ASIC2: variants seen among roughly 807,000 people sequenced by gnomAD.
The protein encoded by ASIC2 is acid sensing ion channel subunit 2, also known as acid-sensing ion channel 2.
In ASIC2, 25 loss-of-function variants were observed where a neutral mutation model predicts 57.3. That is an observed-to-expected ratio of 0.44 (90% CI 0.32 to 0.61). The LOEUF is 0.61. Ranked by LOEUF, ASIC2 falls within the 20% of genes least tolerant of loss-of-function variation. The probability of loss-of-function intolerance (pLI) is 0.06; values close to 1 mark genes in which losing one functional copy is unlikely to be tolerated. For missense variants in ASIC2, 641 were observed against 738.1 expected (o/e 0.87, Z 1.52); for synonymous variants, 319 against 307.5 (o/e 1.04, Z -0.39).
chr17:33,879,958 A>G (rs1215060589), intron 1 of ASIC2, among the ~76,000 whole-genome samples: 1 of 152,206 alleles, frequency 6.6e-6, no homozygotes, highest in Non-Finnish European at 1.5e-5. Context: ...AACTCACTCA[A>G]AACTGCTCAA....
At chr17:33,918,137 C>G (rs114714407) in intron 1 of ASIC2, among the ~76,000 whole-genome samples, 283 of 152,278 alleles carry the variant, frequency 1.9e-3, no homozygotes, top group African/African-American at 6.7e-3. Context: ...GTTTCCTTTT[C>G]CAGGAAAATC....
At chr17:33,459,157 A>G (rs1912551046) in intron 1 of ASIC2, among the ~76,000 whole-genome samples, 1 of 151,664 alleles carries the variant, frequency 6.6e-6, no homozygotes, top group African/African-American at 2.4e-5. Context: ...TCATCGTCAC[A>G]TGGTTTCGTC....
At chr17:33,189,828 A>G (rs1337963503) in intron 1 of ASIC2, among the ~76,000 whole-genome samples, 2 of 152,202 alleles carry the variant, frequency 1.3e-5, no homozygotes, top group Non-Finnish European at 2.9e-5. Context: ...ACAAGGAAAA[A>G]TAGACAAATC....
At chr17:33,920,359 T>C (rs1915682643) in intron 1 of ASIC2, among the ~76,000 whole-genome samples, 1 of 152,188 alleles carries the variant, frequency 6.6e-6, no homozygotes, top group Non-Finnish European at 1.5e-5. Flanking sequence ...ATATACACCA[T>C]GGAATACTAC....
chr17:34,132,951 C>T (rs1346567899), intron 1 of ASIC2, among the ~76,000 whole-genome samples: 4 of 152,174 alleles, frequency 2.6e-5, no homozygotes, highest in African/African-American at 2.4e-5. Flanking sequence ...ACCTAGGCCC[C>T]AATCTAACCC....
rs945512015 is a variant in ASIC2, at chr17:33,801,209, A to G, written c.555+354769T>C. 8.5e-5 allele frequency among the ~76,000 whole-genome samples: 13 copies of G among 152,318 alleles called. No homozygotes were observed. The South Asian group carries it at 1.7e-3, about 19-fold the overall frequency. On this transcript the variant is annotated intron_variant, in intron 1 of 9. Transcript: ENST00000359872. ...TTAGTGATAGATTTTCTTGGGAGAA[A>G]GGAGAGGAAGGAAAATGAGGGTTCA... is the stretch of plus-strand genomic sequence containing the variant.
rs145317173 is a variant in ASIC2, at chr17:33,781,975, C to A, written c.555+374003G>T. 8.3e-3 allele frequency among the ~76,000 whole-genome samples: 1,267 copies of A among 152,216 alleles called. 22 individuals are homozygous for A. Among genetic ancestry groups the A allele is most frequent in the African/African-American group, 0.029 (1,190 of 41,534 alleles). ...TCTTATAGATTTCTGTAGGAACCTCCCCTGCATGGTCTCCCTGCCTCCAAT... is the reference window on the plus strand; with the variant it reads ...TCTTATAGATTTCTGTAGGAACCTCACCTGCATGGTCTCCCTGCCTCCAAT... On this transcript the variant is annotated intron_variant, in intron 1 of 9. Transcript: ENST00000359872.
At chr17:33,038,320 C>A (rs1280301342) in intron 3 of ASIC2, among the ~76,000 whole-genome samples, 2 of 152,240 alleles carry the variant, frequency 1.3e-5, no homozygotes, top group African/African-American at 4.8e-5. Context: ...AACAGGCCAG[C>A]AAATCTCTGC....
chr17:33,379,960 C>G (rs1909420891), intron 1 of ASIC2, among the ~76,000 whole-genome samples: 1 of 152,054 alleles, frequency 6.6e-6, no homozygotes, highest in South Asian at 2.1e-4. Context: ...GAATTGGTTA[C>G]AGTTGCTGGG....
chr17:33,697,070 C>T (rs2142067059), intron 1 of ASIC2, among the ~76,000 whole-genome samples: 1 of 152,180 alleles, frequency 6.6e-6, no homozygotes, highest in Middle Eastern at 3.4e-3. Flanking sequence ...TGTGGTTCCT[C>T]CCTCCCTCCC....
chr17:33,343,307 G>A (rs1436088834), intron 1 of ASIC2, among the ~76,000 whole-genome samples: 1 of 152,170 alleles, frequency 6.6e-6, no homozygotes, highest in Non-Finnish European at 1.5e-5. Context: ...ACACTCAGAG[G>A]ACTTCTGCTC....
intron 1 of ASIC2, among the ~76,000 whole-genome samples, chr17:33,317,451 A>G (rs1906701701): frequency 6.6e-6 from 1 of 152,208 alleles, no homozygotes; most frequent in African/African-American, 2.4e-5. Context: ...TGAGCTCTGT[A>G]TGGTCAGACT....
chr17:33,810,726 C>T (rs1470417282), intron 1 of ASIC2, among the ~76,000 whole-genome samples: 1 of 151,968 alleles, frequency 6.6e-6, no homozygotes. Context: ...GGAGATGCCG[C>T]TACATTGTTA....
chr17:33,768,043 C>G (rs1910985661), intron 1 of ASIC2, among the ~76,000 whole-genome samples: 1 of 151,060 alleles, frequency 6.6e-6, no homozygotes, highest in African/African-American at 2.4e-5. Flanking sequence ...GAGTCTCACT[C>G]TGTTGCCCAG....
At chr17:33,526,016 C>T (rs1372824774) in intron 1 of ASIC2, among the ~76,000 whole-genome samples, 2 of 152,132 alleles carry the variant, frequency 1.3e-5, no homozygotes, top group African/African-American at 4.8e-5. Flanking sequence ...CTAGTCTCTT[C>T]CTGAAGATTC....
At chr17:34,146,380 G>T (rs1290873706) in intron 1 of ASIC2, among the ~76,000 whole-genome samples, 1 of 152,190 alleles carries the variant, frequency 6.6e-6, no homozygotes, top group East Asian at 1.9e-4. Context: ...TACACAGGTT[G>T]GGTTCCCTAT....
At chr17:33,460,283 A>C (rs1912591527) in intron 1 of ASIC2, among the ~76,000 whole-genome samples, 1 of 152,204 alleles carries the variant, frequency 6.6e-6, no homozygotes, top group African/African-American at 2.4e-5. Context: ...TGAGCAAATG[A>C]GACACAAGGT....
chr17:33,072,130 C>T (rs866321031), intron 3 of ASIC2, among the ~76,000 whole-genome samples: 2 of 152,192 alleles, frequency 1.3e-5, no homozygotes, highest in South Asian at 4.2e-4. Flanking sequence ...GCTCTGTGTC[C>T]TTGACTCAGG....
chr17:33,900,734 A>T (rs1215888135), intron 1 of ASIC2, among the ~76,000 whole-genome samples: 1 of 152,196 alleles, frequency 6.6e-6, no homozygotes, highest in Non-Finnish European at 1.5e-5. Flanking sequence ...TAAGATGTTG[A>T]AGAAGTTGGA....
Sources: gnomAD v4.1 joint callset for allele counts (sites outside exome capture counted in the v4.1 genomes callset) on GRCh38, gnomAD v4.1.1 for gene constraint, MANE v1.5 for transcripts, NCBI Gene and HGNC (gene_info 2026-07-23, HGNC 2026-07-21) for gene names.